The following GPR19 variants were observed in gnomAD, a reference collection of about 807,000 sequenced individuals.
GPR19 encodes the protein probable G protein-coupled receptor 19.
A neutral mutation model predicts 28.5 loss-of-function variants in GPR19; 14 were observed. The ratio of observed to expected loss-of-function variants is 0.49; its 90% CI spans 0.32 to 0.77. The LOEUF (loss-of-function observed/expected upper bound fraction) is 0.77. Among genes scored for constraint, GPR19 ranks in the 30% least tolerant of loss-of-function variants. GPR19 has a pLI of 0.03. For missense variants in GPR19, 409 were observed against 504.1 expected, an observed-to-expected ratio of 0.81 and a Z score of 1.81; for synonymous variants, 173 against 184.1, an observed-to-expected ratio of 0.94 and a Z score of 0.49.
chr12:12,697,149 G>T (rs1408809568), upstream of GPR19, among the ~76,000 whole-genome samples: 1 of 10,352 alleles, frequency 9.7e-5, no homozygotes, highest in East Asian at 3.5e-3. Flanking sequence ...CTCTTGAAGC[G>T]AAGTAAAAAA....
the GPR19 span, chr12:12,716,715 G>C: frequency 1.0e-6 from 1 of 983,744 alleles, no homozygotes. Context: ...CTAAAAGAAA[G>C]ACGTTCGCTT....
chr12:12,677,935 G>A (rs957077521), intron 3 of GPR19, among the ~76,000 whole-genome samples: 3 of 151,794 alleles, frequency 2.0e-5, no homozygotes. Context: ...TTAGCTGGGC[G>A]TGGTGGTGGG....
chr12:12,671,640 A>G (rs1343836408), intron 3 of GPR19, among the ~76,000 whole-genome samples: 1 of 152,202 alleles, frequency 6.6e-6, no homozygotes, highest in Non-Finnish European at 1.5e-5. Context: ...TTTTCAAAAC[A>G]GCTTCTTCTA....
intron 2 of GPR19, among the ~76,000 whole-genome samples, chr12:12,694,186 G>GTTTTTTTTTTTTTT (rs1256563402): frequency 2.1e-5 from 2 of 93,514 alleles, no homozygotes; most frequent in African/African-American, 4.1e-5. Flanking sequence ...TAGAGTACCT[G>GTTTTTTTTTTTTTT]TCTTTTTTTT....
chr12:12,668,079 A>G (rs1945807584), intron 3 of GPR19, among the ~76,000 whole-genome samples: 1 of 152,168 alleles, frequency 6.6e-6, no homozygotes, highest in African/African-American at 2.4e-5. Context: ...GAGCTGAGAC[A>G]TTGTGAAGAT....
intron 3 of GPR19, among the ~76,000 whole-genome samples, chr12:12,679,929 TACAC>T (rs1232436899): frequency 6.6e-6 from 1 of 152,160 alleles, no homozygotes; most frequent in Non-Finnish European, 1.5e-5. Context: ...TAAAATAAAT[TACAC>T]AAGAAAGGAG....
chr12:12,704,669 A>T, the GPR19 span, among the ~76,000 whole-genome samples: 1 of 152,206 alleles, frequency 6.6e-6, no homozygotes, highest in African/African-American at 2.4e-5. Context: ...GCATTTAGAA[A>T]AGCAGATTAT....
chr12:12,703,786 A>G, the GPR19 span, among the ~76,000 whole-genome samples: 2 of 152,162 alleles, frequency 1.3e-5, no homozygotes, highest in African/African-American at 4.8e-5. Flanking sequence ...TATAAGTTGC[A>G]TGACTGCCAT....
chr12:12,686,992 A>G (rs760451677), intron 2 of GPR19, among the ~76,000 whole-genome samples: 1 of 152,260 alleles, frequency 6.6e-6, no homozygotes, highest in Non-Finnish European at 1.5e-5. Context: ...TGCTTAAAAT[A>G]TATTGCCAAA....
the GPR19 span, among the ~76,000 whole-genome samples, chr12:12,707,636 T>C: frequency 2.2e-3 from 328 of 152,372 alleles, 2 homozygotes; most frequent in African/African-American, 7.6e-3. Context: ...TTCTCCTTTA[T>C]GTCTTCTCAA....
chr12:12,692,703 GTT>G (rs202077443), intron 2 of GPR19, among the ~76,000 whole-genome samples: 1 of 146,806 alleles, frequency 6.8e-6, no homozygotes, highest in African/African-American at 2.5e-5. Context: ...TGTTTTTTTT[GTT>G]TTTTTTTTTC....
At chr12:12,706,340 G>A in the GPR19 span, among the ~76,000 whole-genome samples, 4 of 151,912 alleles carry the variant, frequency 2.6e-5, no homozygotes, top group African/African-American at 9.7e-5. Context: ...CTCTACTAAG[G>A]GCTTTTTCCC....
At chr12:12,714,295 G>A in the GPR19 span, among the ~76,000 whole-genome samples, 1 of 152,200 alleles carries the variant, frequency 6.6e-6, no homozygotes, top group Non-Finnish European at 1.5e-5. Context: ...GAAACTGTGT[G>A]CTTGCGGTGG....
the GPR19 span, among the ~76,000 whole-genome samples, chr12:12,710,827 C>G: frequency 2.6e-5 from 4 of 152,224 alleles, no homozygotes; most frequent in African/African-American, 7.2e-5. Flanking sequence ...AAACATGAGC[C>G]ACTGTGCCTG....
Position 12,662,390 on chromosome 12 carries a change from A to T in GPR19, c.59T>A (p.Leu20Gln), listed in dbSNP as rs769976911. The change falls in exon 4 of 4, where the codon CTG (leucine) becomes CAG (glutamine). Residue 20 changes from leucine (L) to glutamine (Q), a missense_variant. Physicochemically the swap from Leu to Gln is moderately radical, Grantham distance 113 (BLOSUM62 -2). Coordinates refer to ENST00000651487, the MANE Select transcript of GPR19 (RefSeq NM_006143.3). ...SKPHLIIPTL[L>Q]VPLQNRSCTE... ...GCAGCTGCGGTTTTGGAGGGGCACC[A>T]GAAGTGTAGGAATAATCAAATGTGG... The T allele has an allele frequency of 6.2e-7, 1 of 1,614,234 alleles. No individual in the cohort carries two copies.
intron 3 of GPR19, among the ~76,000 whole-genome samples, chr12:12,679,165 T>C (rs542625295): frequency 5.7e-4 from 87 of 152,180 alleles, no homozygotes; most frequent in African/African-American, 1.9e-3. Flanking sequence ...TCTAGACTAG[T>C]GGTTCTCAAT....
the GPR19 span, among the ~76,000 whole-genome samples, chr12:12,708,803 C>T: frequency 6.6e-6 from 1 of 152,184 alleles, no homozygotes; most frequent in Non-Finnish European, 1.5e-5. Flanking sequence ...AATCCCAGCA[C>T]TTTGGGAAGC....
intron 3 of GPR19, among the ~76,000 whole-genome samples, chr12:12,668,340 C>A (rs1338694326): frequency 1.3e-5 from 2 of 151,936 alleles, no homozygotes; most frequent in African/African-American, 4.8e-5. Context: ...TTGTAAAAGT[C>A]ATGATTCTAA....
intron 2 of GPR19, among the ~76,000 whole-genome samples, chr12:12,690,107 TTTC>T (rs1946162683): frequency 6.6e-6 from 1 of 152,232 alleles, no homozygotes; most frequent in Non-Finnish European, 1.5e-5. Context: ...GTTTGTTTGT[TTTC>T]TTTTTTAAGC....
Sources: allele counts gnomAD v4.1 joint callset (sites outside exome capture counted in the v4.1 genomes callset), GRCh38; gene constraint gnomAD v4.1.1; transcripts MANE v1.5; gene names NCBI Gene and HGNC (gene_info 2026-07-23, HGNC 2026-07-21).